SPATA33: variants seen among roughly 807,000 people sequenced by gnomAD.
SPATA33 encodes the protein spermatogenesis-associated protein 33.
In SPATA33, 10 loss-of-function variants were observed where a neutral mutation model predicts 8.9. The ratio of observed to expected loss-of-function variants is 1.12; its 90% confidence interval spans 0.69 to 1.90. The LOEUF is 1.90. SPATA33 is among the 40% of genes most tolerant of loss of function. The pLI is 0.00. For missense variants in SPATA33, 241 were observed against 178.3 expected (o/e 1.35, Z -2.00); for synonymous variants, 96 against 72.8 (o/e 1.32, Z -1.63).
intron 2 of SPATA33, among the ~76,000 whole-genome samples, chr16:89,664,085 C>T (rs1489483988): frequency 6.6e-6 from 1 of 152,150 alleles, no homozygotes; most frequent in Non-Finnish European, 1.5e-5. Context: ...TGCCACTGCC[C>T]TCCAGCCCCG....
rs2060079016 is a variant in SPATA33, at chr16:89,669,893, ACC to A, written c.*397_*398del. On this transcript the variant is annotated 3_prime_UTR_variant, in exon 3 of 3. Coordinates refer to ENST00000579310, the MANE Select transcript of SPATA33 (RefSeq NM_001271907.2). ...GGGTTGCCCCACCCTGTGAGAAGCC[ACC>A]GCCCCCTTCTCCAGTGCTCTCGGGG... 2.0e-5 allele frequency: 4 copies of A among 205,062 alleles called. No individual in the cohort carries two copies. The highest frequency in any genetic ancestry group is 7.3e-5 in the South Asian group (1 of 13,632). 12.7% of individuals were successfully genotyped at this position (205,062 alleles called of 1,614,324 possible). A position where few individuals can be genotyped will look rare whatever the true frequency, so the allele number is the denominator to read the frequency against.
intron 2 of SPATA33, among the ~76,000 whole-genome samples, chr16:89,668,877 A>G (rs1480694847): frequency 3.3e-5 from 5 of 152,234 alleles, no homozygotes; most frequent in Non-Finnish European, 7.3e-5. Context: ...TTTCTAGAAC[A>G]TTCTAATGGA....
chr16:89,658,210 G>C, intron 1 of SPATA33, 38 bp from the exon 2 acceptor site: 3 of 1,611,208 alleles, frequency 1.9e-6, no homozygotes, highest in Non-Finnish European at 2.5e-6. Context: ...CCTGCATTCG[G>C]TAAGTCCCGG....
intron 2 of SPATA33, 76 bp from the exon 3 acceptor site, chr16:89,669,210 C>T: frequency 7.4e-7 from 1 of 1,359,606 alleles, no homozygotes; most frequent in Admixed American, 1.7e-5. Context: ...TTACTCTGAC[C>T]AATGGCAGGA....
chr16:89,664,024 T>A (rs1317384711), intron 2 of SPATA33, among the ~76,000 whole-genome samples: 1 of 152,094 alleles, frequency 6.6e-6, no homozygotes, highest in African/African-American at 2.4e-5. Flanking sequence ...GGGCCTGAGA[T>A]AGGAGGATCC....
intron 2 of SPATA33, among the ~76,000 whole-genome samples, chr16:89,663,665 T>C (rs1461014847): frequency 6.6e-6 from 1 of 151,654 alleles, no homozygotes; most frequent in Non-Finnish European, 1.5e-5. Flanking sequence ...GGGCAGGGCT[T>C]TGGGGTTGGG....
At chr16:89,663,177 A>T (rs1272696631) in intron 2 of SPATA33, among the ~76,000 whole-genome samples, 2 of 152,056 alleles carry the variant, frequency 1.3e-5, no homozygotes, top group Non-Finnish European at 2.9e-5. Flanking sequence ...ATTGGCTATT[A>T]AAAAATACCA....
At chr16:89,663,859 C>A (rs571542329) in intron 2 of SPATA33, among the ~76,000 whole-genome samples, 52 of 152,316 alleles carry the variant, frequency 3.4e-4, no homozygotes, top group Middle Eastern at 3.4e-3. Context: ...TGGCTCACGC[C>A]TGTAATTTCA....
intron 2 of SPATA33, among the ~76,000 whole-genome samples, chr16:89,662,356 A>C (rs573814074): frequency 1.2e-4 from 18 of 152,018 alleles, no homozygotes; most frequent in African/African-American, 4.3e-4. Flanking sequence ...ATACTGATTG[A>C]AGCTGAGTGC....
chr16:89,668,743 G>A (rs956973663), intron 2 of SPATA33, among the ~76,000 whole-genome samples: 18 of 152,244 alleles, frequency 1.2e-4, no homozygotes, highest in African/African-American at 3.1e-4. Flanking sequence ...GAGAGCAGCC[G>A]GTGAAGGAGC....
At chr16:89,658,588 A>G in intron 2 of SPATA33, 167 bp downstream of exon 2, 1 of 849,226 alleles carries the variant, frequency 1.2e-6, no homozygotes, top group South Asian at 1.8e-5. Flanking sequence ...GTAAATATCC[A>G]GAAATCTTAG....
rs1332624308 is a variant in SPATA33 at position 89,657,944 on chromosome 16, G to A, written c.33G>A (p.Arg11=). MGLSKSKEKP[R]KGEEQKKGST... ...TTTCCAAAAGCAAAGAGAAACCCAG[G>A]AAAGGTAAAGGAGGCGCAGGCGCTG... The change falls in exon 1 of 3, where the codon AGG becomes AGA. Residue 11 remains arginine (R), a synonymous_variant. Transcript: ENST00000579310. The A allele has an allele frequency of 1.3e-5, 20 of 1,516,946 alleles. No individual in the cohort carries two copies. Among genetic ancestry groups the A allele is most frequent in the Non-Finnish European group, 1.7e-5 (19 of 1,139,692 alleles). The allele number at this position is 1,516,946 out of a possible 1,614,324, so 94.0% of individuals were successfully genotyped here. A position where few individuals can be genotyped will look rare whatever the true frequency, so the allele number is the denominator to read the frequency against.
At chr16:89,662,293 C>A (rs536451280) in intron 2 of SPATA33, among the ~76,000 whole-genome samples, 12 of 141,832 alleles carry the variant, frequency 8.5e-5, no homozygotes, top group Admixed American at 7.1e-5. Context: ...GACTCCATCT[C>A]AAAAAAAAAA....
intron 2 of SPATA33, among the ~76,000 whole-genome samples, chr16:89,664,551 G>C (rs1353789026): frequency 6.6e-6 from 1 of 151,950 alleles, no homozygotes; most frequent in Admixed American, 6.6e-5. Flanking sequence ...AAAAGTGTCA[G>C]AGGCTCTTTA....
intron 2 of SPATA33, among the ~76,000 whole-genome samples, chr16:89,665,234 A>G (rs575982454): frequency 2.0e-5 from 3 of 152,186 alleles, no homozygotes; most frequent in African/African-American, 4.8e-5. Flanking sequence ...AGGCCAAGCA[A>G]TCTGCCTGCT....
At chr16:89,667,141 A>C (rs1421534462) in intron 2 of SPATA33, among the ~76,000 whole-genome samples, 1 of 152,114 alleles carries the variant, frequency 6.6e-6, no homozygotes, top group Non-Finnish European at 1.5e-5. Flanking sequence ...TTTCCTTGAC[A>C]CTGACGCTAC....
chr16:89,658,040 A>T (rs2059904908), intron 1 of SPATA33, 92 bp downstream of exon 1: 1 of 1,457,224 alleles, frequency 6.9e-7, no homozygotes, highest in African/African-American at 1.4e-5. Context: ...GTGTGAGCGC[A>T]GGCGCCAGGC....
At chr16:89,667,979 A>T (rs1025656437) in intron 2 of SPATA33, 1 of 152,216 alleles carries the variant, frequency 6.6e-6, no homozygotes, top group Non-Finnish European at 1.5e-5. Flanking sequence ...GTGTGTCATT[A>T]TTCACTGTTC....
intron 2 of SPATA33, among the ~76,000 whole-genome samples, chr16:89,666,281 G>A (rs538219281): frequency 2.0e-5 from 3 of 152,106 alleles, no homozygotes; most frequent in Non-Finnish European, 4.4e-5. Context: ...GGGCCTGGGA[G>A]GTTAGGACTG....
Sources: gnomAD v4.1 joint callset for allele counts (sites outside exome capture counted in the v4.1 genomes callset) on GRCh38, gnomAD v4.1.1 for gene constraint, MANE v1.5 for transcripts, NCBI Gene and HGNC (gene_info 2026-07-23, HGNC 2026-07-21) for gene names.